PCDHGB6: variants seen among roughly 807,000 people sequenced by gnomAD.
PCDHGB6 encodes protocadherin gamma-B6.
PCDHGB6 carries 51 observed loss-of-function variants against 59.1 expected under a neutral mutation model. The ratio of observed to expected loss-of-function variants is 0.86; its 90% CI spans 0.69 to 1.09. The LOEUF is 1.09. Ranked by LOEUF, PCDHGB6 falls within the 50% of genes least tolerant of loss-of-function variation. The pLI, the probability that PCDHGB6 is intolerant of heterozygous loss-of-function variation, is 0.00. For missense variants in PCDHGB6, 1,148 were observed against 1,205.1 expected (o/e 0.95, Z 0.70); for synonymous variants, 466 against 495.1 (o/e 0.94, Z 0.78).
intron 1 of PCDHGB6, chr5:141,414,617 T>C: frequency 6.2e-7 from 1 of 1,614,002 alleles, no homozygotes; most frequent in Non-Finnish European, 8.5e-7. Flanking sequence ...GTGACAGCGC[T>C]GGACCCGGAC....
chr5:141,481,085 A>T (rs1200522212), intron 1 of PCDHGB6, among the ~76,000 whole-genome samples: 1 of 152,192 alleles, frequency 6.6e-6, no homozygotes, highest in African/African-American at 2.4e-5. Flanking sequence ...AAGAAAAAAG[A>T]AAAGCAGTAC....
intron 1 of PCDHGB6, chr5:141,441,144 T>C (rs141609485): frequency 6.6e-6 from 1 of 152,296 alleles, no homozygotes; most frequent in African/African-American, 2.4e-5. Context: ...TAGAAGATAA[T>C]GACAATATCC....
intron 1 of PCDHGB6, chr5:141,428,769 T>A (rs1367357065): frequency 6.5e-6 from 1 of 154,242 alleles, no homozygotes; most frequent in Non-Finnish European, 1.4e-5. Flanking sequence ...TTGCCCACTC[T>A]TAATATTTCC....
chr5:141,494,115 GC>G (rs1445167222), intron 1 of PCDHGB6, among the ~76,000 whole-genome samples: 1 of 152,186 alleles, frequency 6.6e-6, no homozygotes, highest in African/African-American at 2.4e-5. Context: ...AGACAGAGCA[GC>G]CTTGTTCTCT....
chr5:141,419,397 T>G (rs1280096838), intron 1 of PCDHGB6: 3 of 1,613,312 alleles, frequency 1.9e-6, no homozygotes. Flanking sequence ...CAGAGCGGGG[T>G]GGTGTTCGCG....
At chr5:141,450,489 CTG>C (rs2098682348) in intron 1 of PCDHGB6, among the ~76,000 whole-genome samples, 1 of 150,280 alleles carries the variant, frequency 6.7e-6, no homozygotes, top group Admixed American at 6.6e-5. Context: ...GTTTGTTTGT[CTG>C]TTTGTTTGTT....
chr5:141,420,505 T>C (rs923726040), intron 1 of PCDHGB6: 4 of 457,906 alleles, frequency 8.7e-6, no homozygotes, highest in Middle Eastern at 6.0e-4. Context: ...GGTGACATTT[T>C]TATGAAGTAA....
chr5:141,420,156 A>T lies in PCDHGB6; in HGVS notation c.2418+9536A>T, dbSNP rs1406451882. ...GGGGATCAAATGAATCCAGAATTTA[A>T]TTTTTTCACATCTGTTGATCATTGT... On this transcript the variant is annotated intron_variant, in intron 1 of 3. Coordinates refer to ENST00000520790, the MANE Select transcript of PCDHGB6 (RefSeq NM_018926.3). The T allele has an allele frequency of 1.4e-5, 22 of 1,613,872 alleles. No individual in the cohort carries two copies. Among genetic ancestry groups the T allele is most frequent in the Middle Eastern group, 3.3e-4 (2 of 6,084 alleles).
At chr5:141,437,338 C>T (rs1328789308) in intron 1 of PCDHGB6, among the ~76,000 whole-genome samples, 1 of 152,196 alleles carries the variant, frequency 6.6e-6, no homozygotes, top group Non-Finnish European at 1.5e-5. Flanking sequence ...TGTAGCTTCA[C>T]TGTTTTATAG....
At chr5:141,503,936 C>G (rs2099834285) in intron 2 of PCDHGB6, among the ~76,000 whole-genome samples, 1 of 152,186 alleles carries the variant, frequency 6.6e-6, no homozygotes, top group Non-Finnish European at 1.5e-5. Flanking sequence ...CATTTTCATG[C>G]CTTCAAGGCC....
chr5:141,492,934 G>A (rs1382515835), intron 1 of PCDHGB6, among the ~76,000 whole-genome samples: 7 of 152,236 alleles, frequency 4.6e-5, no homozygotes, highest in Admixed American at 4.6e-4. Flanking sequence ...TAGGGTCAGA[G>A]ATTTGGAGGT....
intron 1 of PCDHGB6, among the ~76,000 whole-genome samples, chr5:141,471,737 A>G (rs2099263581): frequency 6.6e-6 from 1 of 152,232 alleles, no homozygotes; most frequent in Non-Finnish European, 1.5e-5. Context: ...AAGGTTGGAG[A>G]CATAACATAT....
In PCDHGB6 at chr5:141,421,081, A is replaced by C. The variant is rs775366249; in HGVS notation, c.2418+10461A>C. 61 of 637,820 alleles carry C rather than the reference A, an allele frequency of 9.6e-5. 1 individual carries two copies. The Middle Eastern group carries it at 2.9e-3, about 31-fold the overall frequency. The allele number at this position is 637,820 out of a possible 1,614,324, so 39.5% of individuals were successfully genotyped here. ...ACAAAGCGGAATGAGATGGATACTCACAGATCCTGACACTGGAGACTTAGA... is the reference window on the plus strand; with the variant it reads ...ACAAAGCGGAATGAGATGGATACTCCCAGATCCTGACACTGGAGACTTAGA... On this transcript the variant is annotated intron_variant, in intron 1 of 3. Coordinates refer to ENST00000520790, the MANE Select transcript of PCDHGB6 (RefSeq NM_018926.3).
rs200568923 is a variant in PCDHGB6 at position 141,413,794 on chromosome 5, G to A, written c.2418+3174G>A. On this transcript the variant is annotated intron_variant, in intron 1 of 3. Coordinates refer to ENST00000520790, the MANE Select transcript of PCDHGB6 (RefSeq NM_018926.3). The stretch of plus-strand genomic sequence containing the variant: ...GGTACTGGAGCACTCCCTAGATCGC[G>A]AGGAAGAGGCCATTCACCACCTGGT... 6.7e-5 allele frequency: 108 copies of A among 1,613,050 alleles called. No individual in the cohort carries two copies. Among genetic ancestry groups the A allele is most frequent in the Admixed American group, 8.3e-5 (5 of 59,990 alleles).
chr5:141,413,194 C>T lies in PCDHGB6; in HGVS notation c.2418+2574C>T, dbSNP rs749749411. ...GACTACAATGGCCGCTCAAAGGAAT[C>T]GCTCAAAGGAATCAAAGGATTGCAG... On this transcript the variant is annotated intron_variant, in intron 1 of 3. Coordinates refer to ENST00000520790, the MANE Select transcript of PCDHGB6 (RefSeq NM_018926.3). 5.3e-5 allele frequency: 85 copies of T among 1,607,784 alleles called. No individual in the cohort carries two copies. Among genetic ancestry groups the T allele is most frequent in the Non-Finnish European group, 7.0e-5 (82 of 1,176,492 alleles).
At position 141,432,851 on chromosome 5, in the gene PCDHGB6, G is replaced by T. The variant is rs561153330; in HGVS notation, c.2418+22231G>T. 8 of 1,614,198 alleles carry T rather than the reference G, an allele frequency of 5.0e-6. No homozygotes were observed. In the African/African-American group the frequency reaches 9.3e-5, roughly 19 times the overall value. ...CACTCTGTACCTGGTGGTAGCGGTG[G>T]CCGCGGTCTCCTGCGTCTTCCTGGC... On this transcript the variant is annotated intron_variant, in intron 1 of 3. Transcript: ENST00000520790. This position sits in a 1 kb window ranked among gnomAD's most constrained non-coding sequence, Gnocchi z 6.0.
At chr5:141,433,091 A>C in intron 1 of PCDHGB6, 1 of 1,614,182 alleles carries the variant, frequency 6.2e-7, no homozygotes, top group Non-Finnish European at 8.5e-7. Flanking sequence ...CTATGCAGAC[A>C]TGCTCGTCAG....
Position 141,490,320 on chromosome 5 carries a change from A to G in PCDHGB6, c.2419-4487A>G. The G allele has an allele frequency of 6.2e-7, 1 of 1,614,228 alleles. No individual in the cohort carries two copies. The highest frequency in any genetic ancestry group is 1.1e-5 in the South Asian group (1 of 91,088). ...TGGCCTCTTTGGCCAACCCTGTCCT[A>G]GAGAGCACACCAGTGGGCACAGTAG... On this transcript the variant is annotated intron_variant, in intron 1 of 3. Transcript: ENST00000520790. The surrounding 1 kb of genome is among the most constrained non-coding windows in gnomAD (Gnocchi z 5.4).
intron 1 of PCDHGB6, among the ~76,000 whole-genome samples, chr5:141,494,547 C>T (rs2099755185): frequency 6.6e-6 from 1 of 152,106 alleles, no homozygotes; most frequent in East Asian, 1.9e-4. Context: ...GAGGAAGGGG[C>T]CATTTCTTTA....
Sources: allele counts gnomAD v4.1 joint callset (sites outside exome capture counted in the v4.1 genomes callset), GRCh38; gene constraint gnomAD v4.1.1; non-coding constraint Gnocchi (gnomAD v3.1); transcripts MANE v1.5; gene names NCBI Gene and HGNC (gene_info 2026-07-23, HGNC 2026-07-21).